The following SLC25A26 variants were observed in gnomAD, a reference collection of about 807,000 sequenced individuals.
The protein encoded by SLC25A26 is mitochondrial S-adenosylmethionine carrier protein.
A neutral mutation model predicts 37.8 loss-of-function variants in SLC25A26; 36 were observed. The observed-to-expected ratio is 0.95, with a 90% CI of 0.73 to 1.26. The LOEUF (loss-of-function observed/expected upper bound fraction) is 1.26. Ranked by LOEUF, SLC25A26 falls within the 50% of genes most tolerant of loss-of-function variation. The probability of loss-of-function intolerance (pLI) is 0.00; values close to 1 mark genes in which losing one functional copy is unlikely to be tolerated. For synonymous variants in SLC25A26, 129 were observed against 122.5 expected (o/e 1.05, Z -0.35); for missense variants, 390 against 331.1 (o/e 1.18, Z -1.38).
chr3:66,346,943 A>T (rs959325716), intron 6 of SLC25A26, among the ~76,000 whole-genome samples: 1 of 152,098 alleles, frequency 6.6e-6, no homozygotes, highest in Non-Finnish European at 1.5e-5. Flanking sequence ...TCCAGCCAGG[A>T]CTAGGAGCCT....
intron 1 of SLC25A26, among the ~76,000 whole-genome samples, chr3:66,162,344 C>CTTT (rs562402223): frequency 1.1e-4 from 5 of 47,388 alleles, no homozygotes; most frequent in African/African-American, 2.2e-4. Context: ...ATTTTTTTTT[C>CTTT]TTTTTTTTTT....
chr3:66,326,328 G>GA (rs2075836901), intron 5 of SLC25A26, among the ~76,000 whole-genome samples: 1 of 152,196 alleles, frequency 6.6e-6, no homozygotes, highest in Admixed American at 6.5e-5. Flanking sequence ...ATCAAAGGTG[G>GA]AAAAGGGGGA....
At position 66,272,381 on chromosome 3, in the gene SLC25A26, A is replaced by G. The variant is rs1018369107; in HGVS notation, c.453+9002A>G. Among the ~76,000 whole-genome samples, 71 of 152,272 alleles carry G rather than the reference A, an allele frequency of 4.7e-4. 1 individual carries two copies. In the Middle Eastern group the frequency reaches 0.01, roughly 22 times the overall value. Reference sequence around the variant, plus strand: ...AATATGTATTTAAAATGAGTAATCCATATTTATATCTGTAGTCTTTAAGCC... The same window carrying G: ...AATATGTATTTAAAATGAGTAATCCGTATTTATATCTGTAGTCTTTAAGCC... On this transcript the variant is annotated intron_variant, in intron 5 of 9. Coordinates refer to ENST00000354883, the MANE Select transcript of SLC25A26 (RefSeq NM_001379210.1).
intron 5 of SLC25A26, among the ~76,000 whole-genome samples, chr3:66,278,643 C>A (rs749030239): frequency 6.6e-6 from 1 of 152,128 alleles, no homozygotes; most frequent in Non-Finnish European, 1.5e-5. Flanking sequence ...ATATAAATTT[C>A]ATTCCTCTGT....
chr3:66,346,278 A>T, intron 5 of SLC25A26, 86 bp from the exon 6 acceptor site: 1 of 615,046 alleles, frequency 1.6e-6, no homozygotes, highest in Middle Eastern at 3.5e-4. Flanking sequence ...ATAAAGTTGA[A>T]ATAATATTTA....
intron 1 of SLC25A26, among the ~76,000 whole-genome samples, chr3:66,178,074 C>T (rs2070623022): frequency 6.6e-6 from 1 of 152,130 alleles, no homozygotes; most frequent in Admixed American, 6.6e-5. Flanking sequence ...ACTTACTCTC[C>T]CCATCATTCG....
intron 3 of SLC25A26, among the ~76,000 whole-genome samples, chr3:66,252,538 T>G (rs2073125177): frequency 6.6e-6 from 1 of 152,164 alleles, no homozygotes; most frequent in Non-Finnish European, 1.5e-5. Context: ...GCTCTTTTCC[T>G]CATCTTGAAA....
At chr3:66,322,631 G>T (rs551462799) in intron 5 of SLC25A26, among the ~76,000 whole-genome samples, 1 of 152,208 alleles carries the variant, frequency 6.6e-6, no homozygotes, top group Non-Finnish European at 1.5e-5. Flanking sequence ...AAATGATTCA[G>T]TGACAACATG....
intron 1 of SLC25A26, among the ~76,000 whole-genome samples, chr3:66,150,335 T>A (rs2070180894): frequency 6.6e-6 from 1 of 150,538 alleles, no homozygotes; most frequent in African/African-American, 2.4e-5. Flanking sequence ...CTGTCTTTAC[T>A]AAAAATACAA....
chr3:66,153,895 T>G (rs568834919), intron 1 of SLC25A26, among the ~76,000 whole-genome samples: 1 of 152,198 alleles, frequency 6.6e-6, no homozygotes, highest in South Asian at 2.1e-4. Context: ...GGGGGTTTTA[T>G]TGACATTCGT....
intron 1 of SLC25A26, among the ~76,000 whole-genome samples, chr3:66,210,728 G>T (rs2071273795): frequency 6.6e-6 from 1 of 152,120 alleles, no homozygotes; most frequent in Admixed American, 6.5e-5. Context: ...TTCCCAGGCT[G>T]GTCTTGAACT....
Position 66,236,709 on chromosome 3 carries a change from T to C in SLC25A26, c.190+9T>C. ...TGGATCCTTTCCTAATGGTAAAAAA[T>C]TATATTCTCACTTCTGTAAAGCCAA... is the stretch of plus-strand genomic sequence containing the variant. On this transcript the variant is annotated intron_variant, in intron 2 of 9. Transcript: ENST00000354883. 4.0e-6 allele frequency: 6 copies of C among 1,498,378 alleles called. No individual in the cohort carries two copies. Among genetic ancestry groups the C allele is most frequent in the Non-Finnish European group, 5.4e-6 (6 of 1,118,762 alleles). 92.8% of individuals were successfully genotyped at this position (1,498,378 alleles called of 1,614,324 possible).
Position 66,255,298 on chromosome 3 carries a change from C to G in SLC25A26, c.301-6753C>G, listed in dbSNP as rs192066072. On this transcript the variant is annotated intron_variant, in intron 3 of 9. Transcript: ENST00000354883. ...TCTTGGTGTTTCATTTAATAAATAT[C>G]AAAAGGAAACATTCAGTCCTTAGCT... Among the ~76,000 whole-genome samples, 5 of 152,142 alleles carry G rather than the reference C, an allele frequency of 3.3e-5. No homozygotes were observed. In the East Asian group the frequency reaches 7.7e-4, roughly 23 times the overall value.
At chr3:66,348,398 A>G (rs926118617) in intron 6 of SLC25A26, among the ~76,000 whole-genome samples, 3 of 152,354 alleles carry the variant, frequency 2.0e-5, no homozygotes, top group Non-Finnish European at 2.9e-5. Context: ...CTAGGTTGCA[A>G]TGTAAAATGT....
intron 5 of SLC25A26, among the ~76,000 whole-genome samples, chr3:66,315,807 C>T (rs112956230): frequency 0.01 from 1,595 of 152,152 alleles, 27 homozygotes; most frequent in African/African-American, 0.035. Context: ...TGTATTGGGT[C>T]CATATATATT....
At chr3:66,269,010 C>G (rs2073861682) in intron 5 of SLC25A26, among the ~76,000 whole-genome samples, 2 of 152,186 alleles carry the variant, frequency 1.3e-5, no homozygotes, top group African/African-American at 4.8e-5. Context: ...ATCTTTATAG[C>G]AGTGTGAGAA....
intron 5 of SLC25A26, among the ~76,000 whole-genome samples, chr3:66,310,025 C>T (rs544870037): frequency 6.6e-5 from 10 of 152,226 alleles, no homozygotes; most frequent in African/African-American, 1.7e-4. Flanking sequence ...CCCCTCGGTC[C>T]GGAGCTGAGT....
intron 5 of SLC25A26, among the ~76,000 whole-genome samples, chr3:66,317,860 G>A (rs543350185): frequency 6.6e-6 from 1 of 152,304 alleles, no homozygotes; most frequent in East Asian, 1.9e-4. Context: ...GAGTGGATCG[G>A]GGTCCTGCTT....
At position 66,271,512 on chromosome 3, in the gene SLC25A26, T is replaced by G. The variant is rs529100378; in HGVS notation, c.453+8133T>G. ...GAGGCAGTACTAACTTTATCTGTCC[T>G]TTTGTTTATCTCGAAAACAAAAACT... is the stretch of plus-strand genomic sequence containing the variant. On this transcript the variant is annotated intron_variant, in intron 5 of 9. Coordinates refer to ENST00000354883, the MANE Select transcript of SLC25A26 (RefSeq NM_001379210.1). Among the ~76,000 whole-genome samples, 8 of 152,290 alleles carry G rather than the reference T, an allele frequency of 5.3e-5. No homozygotes were observed. The South Asian group carries it at 1.7e-3, about 32-fold the overall frequency.
Sources: gnomAD v4.1 joint callset for allele counts (sites outside exome capture counted in the v4.1 genomes callset) on GRCh38, gnomAD v4.1.1 for gene constraint, MANE v1.5 for transcripts, NCBI Gene and HGNC (gene_info 2026-07-23, HGNC 2026-07-21) for gene names.